RREB1: variants seen among roughly 807,000 people sequenced by gnomAD.
RREB1 encodes ras-responsive element-binding protein 1.
A neutral mutation model predicts 117.8 loss-of-function variants in RREB1; 27 were observed. The ratio of observed to expected loss-of-function variants is 0.23; its 90% CI spans 0.17 to 0.32. The LOEUF is 0.32. Among genes scored for constraint, RREB1 ranks in the 10% least tolerant of loss-of-function variants. RREB1 has a pLI of 1.00. For missense variants in RREB1, 2,577 were observed against 2,378.2 expected, an observed-to-expected ratio of 1.08 and a Z score of -1.74; for synonymous variants, 1,298 against 1,026.7, an observed-to-expected ratio of 1.26 and a Z score of -5.05.
intron 11 of RREB1, among the ~76,000 whole-genome samples, chr6:7,243,727 C>T (rs1768847608): frequency 6.6e-6 from 1 of 152,168 alleles, no homozygotes; most frequent in Admixed American, 6.5e-5. Flanking sequence ...TTTCATTGTA[C>T]TCCGGGTGAT....
intron 1 of RREB1, among the ~76,000 whole-genome samples, chr6:7,112,186 G>T (rs560768477): frequency 6.6e-6 from 1 of 152,274 alleles, no homozygotes; most frequent in African/African-American, 2.4e-5. Context: ...CCAAATGTCA[G>T]AAAACAAAAA....
intron 5 of RREB1, among the ~76,000 whole-genome samples, chr6:7,188,252 T>TGTGTGTGTGTGTGTGTGTGTGTGTGTGC (rs1411771705): frequency 6.8e-6 from 1 of 147,582 alleles, no homozygotes; most frequent in African/African-American, 2.5e-5. Context: ...TGTGTGTGTG[T>TGTGTGTGTGTGTGTGTGTGTGTGTGTGC]GCGCGCGCGC....
chr6:7,166,031 C>T (rs967010298), intron 1 of RREB1, among the ~76,000 whole-genome samples: 1 of 152,192 alleles, frequency 6.6e-6, no homozygotes, highest in Non-Finnish European at 1.5e-5. Flanking sequence ...TTTCAGGCCC[C>T]GCTGGGCCGT....
At chr6:7,213,912 A>T (rs148790272) in intron 8 of RREB1, 1 of 152,370 alleles carries the variant, frequency 6.6e-6, no homozygotes, top group African/African-American at 2.4e-5. Context: ...CAGGAAAAAT[A>T]ATGTGGCTCC....
At chr6:7,183,808 A>G (rs780295242) in intron 4 of RREB1, 10 of 152,160 alleles carry the variant, frequency 6.6e-5, no homozygotes, top group Admixed American at 1.3e-4. Flanking sequence ...GGGAGAGAGT[A>G]TGGGGAAGAA....
intron 1 of RREB1, among the ~76,000 whole-genome samples, chr6:7,138,299 C>G (rs1762427476): frequency 6.6e-6 from 1 of 152,164 alleles, no homozygotes; most frequent in African/African-American, 2.4e-5. Context: ...TTGGGCCCAG[C>G]CTTCTCTCTT....
chr6:7,148,819 A>T (rs564632115), intron 1 of RREB1, among the ~76,000 whole-genome samples: 62 of 152,344 alleles, frequency 4.1e-4, no homozygotes, highest in African/African-American at 1.5e-3. Context: ...CTTTCAGTAT[A>T]GTCAGACATA....
chr6:7,174,004 C>G (rs1166757104), intron 1 of RREB1, among the ~76,000 whole-genome samples: 2 of 152,106 alleles, frequency 1.3e-5, no homozygotes, highest in Non-Finnish European at 1.5e-5. Context: ...CTTCCGCCCT[C>G]TCTTAGTCCT....
At position 7,229,582 on chromosome 6, in the gene RREB1, G is replaced by A. The variant is rs1050775237; in HGVS notation, c.1483G>A (p.Ala495Thr). 23 of 1,611,722 alleles carry A rather than the reference G, an allele frequency of 1.4e-5. No individual in the cohort carries two copies. In the African/African-American group the frequency reaches 2.0e-4, roughly 14 times the overall value. ...SLPPFSKAPA[A>T]PLQAIFKHMP... ...TCCGCCCTTCTCCAAGGCCCCTGCC[G>A]CCCCACTGCAGGCGATCTTCAAGCA... is the stretch of plus-strand genomic sequence containing the variant. Residue 495 changes from alanine (A) to threonine (T), a missense_variant, in exon 10 of 13, where the codon GCC becomes ACC. Physicochemically the swap from Ala to Thr is moderately conservative, Grantham distance 58. Coordinates refer to ENST00000379938, the MANE Select transcript of RREB1 (RefSeq NM_001003699.4). This position sits in a 1 kb window ranked among gnomAD's most constrained non-coding sequence, Gnocchi z 4.5.
At chr6:7,232,616 C>T (rs569486322) in intron 10 of RREB1, among the ~76,000 whole-genome samples, 9 of 152,264 alleles carry the variant, frequency 5.9e-5, no homozygotes, top group South Asian at 2.1e-4. Flanking sequence ...CTTCCTGAGC[C>T]CTTCTTCCTT....
intron 10 of RREB1, among the ~76,000 whole-genome samples, chr6:7,237,259 G>C (rs1358639411): frequency 1.3e-5 from 2 of 152,112 alleles, no homozygotes; most frequent in East Asian, 3.9e-4. Context: ...CTAATTTTTT[G>C]TATTTTTAGT....
In RREB1 at chr6:7,231,292, C is replaced by T. The variant is rs1767950876; in HGVS notation, c.3193C>T (p.Leu1065=). The T allele has an allele frequency of 2.5e-6, 4 of 1,608,834 alleles. No individual in the cohort carries two copies. The highest frequency in any genetic ancestry group is 3.4e-6 in the Non-Finnish European group (4 of 1,177,078). Reference sequence around the variant, plus strand: ...CCCCGTGACAGAAGAGCTGCCCCCGCTGGCCTCCATTGCCCAGATCATCTC... The same window carrying T: ...CCCCGTGACAGAAGAGCTGCCCCCGTTGGCCTCCATTGCCCAGATCATCTC... The part of the protein sequence containing the change: ...KPPVTEELPP[L]ASIAQIISSV... Residue 1065 remains leucine (L), a synonymous_variant, in exon 10 of 13, where the codon CTG becomes TTG. Coordinates refer to ENST00000379938, the MANE Select transcript of RREB1 (RefSeq NM_001003699.4).
intron 8 of RREB1, chr6:7,213,500 G>T (rs1426812793): frequency 2.6e-5 from 4 of 152,182 alleles, no homozygotes; most frequent in Non-Finnish European, 5.9e-5. Context: ...GTTTTATTCT[G>T]TCTACCAGGA....
intron 11 of RREB1, among the ~76,000 whole-genome samples, chr6:7,241,800 A>G (rs1768721533): frequency 6.6e-6 from 1 of 152,174 alleles, no homozygotes; most frequent in Admixed American, 6.5e-5. Context: ...CTCTGAGGGT[A>G]TGAAAGGGTA....
chr6:7,228,495 CTTTTTTTTTTTTTT>C (rs568193582), intron 9 of RREB1, among the ~76,000 whole-genome samples: 1 of 91,232 alleles, frequency 1.1e-5, no homozygotes, highest in Non-Finnish European at 2.1e-5. Context: ...AGAAGGTCAA[CTTTTTTTTTTTTTT>C]TTTTTTTTTT....
rs1320931894 is a variant in RREB1 at position 7,184,271 on chromosome 6, A to ATT, written c.171+2190_171+2191dup. On this transcript the variant is annotated intron_variant, in intron 4 of 12. Coordinates refer to ENST00000379938, the MANE Select transcript of RREB1 (RefSeq NM_001003699.4). ...TTTCTAGTAGGTTCATTTTATTATT[A>ATT]TTATTTTTTTTATTATTATTATGTT... is the stretch of plus-strand genomic sequence containing the variant. 4.3e-3 allele frequency among the ~76,000 whole-genome samples: 640 copies of ATT among 150,198 alleles called. 4 individuals are homozygous for ATT. Among genetic ancestry groups the ATT allele is most frequent in the Middle Eastern group, 0.017 (5 of 292 alleles).
intron 4 of RREB1, among the ~76,000 whole-genome samples, chr6:7,186,908 G>A (rs567258519): frequency 6.6e-6 from 1 of 152,152 alleles, no homozygotes; most frequent in African/African-American, 2.4e-5. Context: ...CAGTGGGCAG[G>A]GGCATGCCCA....
chr6:7,135,894 C>A (rs1417122623), intron 1 of RREB1, among the ~76,000 whole-genome samples: 3 of 152,148 alleles, frequency 2.0e-5, no homozygotes, highest in African/African-American at 7.2e-5. Flanking sequence ...TCTGCTGATA[C>A]TAAAGCTGGA....
rs147792897 is a variant in RREB1, at chr6:7,154,849, G to A, written c.-284-21806G>A. On this transcript the variant is annotated intron_variant, in intron 1 of 12. Transcript: ENST00000379938. Reference sequence around the variant, plus strand: ...GAATGGAGACAGTCTGTCAGAGTTCGCAGGAAGTGTGGTGTGCTGGTGACA... The same window carrying A: ...GAATGGAGACAGTCTGTCAGAGTTCACAGGAAGTGTGGTGTGCTGGTGACA... Among the ~76,000 whole-genome samples, 60 of 152,268 alleles carry A rather than the reference G, an allele frequency of 3.9e-4. No individual in the cohort carries two copies. The East Asian group carries it at 5.8e-3, about 15-fold the overall frequency.
Sources: allele counts gnomAD v4.1 joint callset (sites outside exome capture counted in the v4.1 genomes callset), GRCh38; gene constraint gnomAD v4.1.1; non-coding constraint Gnocchi (gnomAD v3.1); transcripts MANE v1.5; gene names NCBI Gene and HGNC (gene_info 2026-07-23, HGNC 2026-07-21).